GLB1: variants seen among roughly 807,000 people sequenced by gnomAD.
The protein encoded by GLB1 is beta-galactosidase.
GLB1 carries 56 observed loss-of-function variants against 74.0 expected under a neutral mutation model. That is an observed-to-expected ratio of 0.76 (90% CI 0.61 to 0.94). GLB1 has a LOEUF of 0.94. Among genes scored for constraint, GLB1 ranks in the 40% least tolerant of loss-of-function variants. GLB1 has a pLI of 0.00. For synonymous variants in GLB1, 323 were observed against 323.6 expected (o/e 1.00, Z 0.02); for missense variants, 787 against 845.5 (o/e 0.93, Z 0.86).
intron 15 of GLB1, among the ~76,000 whole-genome samples, chr3:33,008,660 G>A (rs147622965): frequency 2.6e-4 from 40 of 152,308 alleles, no homozygotes; most frequent in Non-Finnish European, 5.1e-4. Flanking sequence ...ACAATGAGGG[G>A]ATGGTAGCCA....
chr3:32,980,042 C>T, the GLB1 span, among the ~76,000 whole-genome samples: 17 of 152,048 alleles, frequency 1.1e-4, no homozygotes, highest in African/African-American at 2.9e-4. Context: ...TATCCATCAC[C>T]TCAACATTTA....
At chr3:32,981,413 A>G in the GLB1 span, among the ~76,000 whole-genome samples, 13 of 147,870 alleles carry the variant, frequency 8.8e-5, no homozygotes, top group Admixed American at 2.0e-4. Context: ...AAAAAAAAAA[A>G]AAAGAAAAAG....
intron 15 of GLB1, 71 bp downstream of exon 15, chr3:33,013,985 T>C: frequency 3.1e-6 from 5 of 1,612,548 alleles, no homozygotes; most frequent in Non-Finnish European, 4.2e-6. Context: ...CAGCTCTTTG[T>C]GATTCTTTCT....
At chr3:33,049,895 C>T (rs892963001) in intron 9 of GLB1, among the ~76,000 whole-genome samples, 21 of 152,196 alleles carry the variant, frequency 1.4e-4, no homozygotes, top group African/African-American at 4.1e-4. Flanking sequence ...TGCTTGTAAG[C>T]GATGTCTTCT....
At chr3:32,983,704 G>A in the GLB1 span, among the ~76,000 whole-genome samples, 1 of 151,898 alleles carries the variant, frequency 6.6e-6, no homozygotes, top group Non-Finnish European at 1.5e-5. Context: ...TTTGAGATAG[G>A]GTCTCACTCT....
At chr3:33,029,284 A>G (rs1347290268) in intron 10 of GLB1, among the ~76,000 whole-genome samples, 1 of 152,202 alleles carries the variant, frequency 6.6e-6, no homozygotes, top group Non-Finnish European at 1.5e-5. Flanking sequence ...TCTCATACTT[A>G]ACCGGACACA....
rs540650074 is a variant in GLB1 at position 33,042,778 on chromosome 3, G to A, written c.1068+3342C>T. 5.3e-5 allele frequency among the ~76,000 whole-genome samples: 8 copies of A among 152,260 alleles called. No individual in the cohort carries two copies. In the South Asian group the frequency reaches 1.4e-3, roughly 28 times the overall value. On this transcript the variant is annotated intron_variant, in intron 10 of 15. Coordinates refer to ENST00000307363, the MANE Select transcript of GLB1 (RefSeq NM_000404.4). ...GTTCTCACTGGCTGCATTCTGCCTG[G>A]AATGCTCTTGTCCAGGCGGAGATAT...
rs1430263883 is a variant in GLB1 at position 33,010,742 on chromosome 3, TAGAG to T, written c.1734+3310_1734+3313del. 2.6e-5 allele frequency among the ~76,000 whole-genome samples: 4 copies of T among 152,320 alleles called. No individual in the cohort carries two copies. The East Asian group carries it at 7.7e-4, about 29-fold the overall frequency. On this transcript the variant is annotated intron_variant, in intron 15 of 15. Coordinates refer to ENST00000307363, the MANE Select transcript of GLB1 (RefSeq NM_000404.4). ...CCAAGATCATGGAGATTTCTCTCCC[TAGAG>T]AGAAATTTTAGAAGTTTTATAGAGG... is the stretch of plus-strand genomic sequence containing the variant.
intron 10 of GLB1, among the ~76,000 whole-genome samples, chr3:33,039,180 C>T (rs1268061629): frequency 6.6e-6 from 1 of 151,588 alleles, no homozygotes; most frequent in Non-Finnish European, 1.5e-5. Context: ...ATCCCAGCTA[C>T]TCAGGAGGCT....
intron 15 of GLB1, among the ~76,000 whole-genome samples, chr3:32,998,847 G>A (rs1036120807): frequency 6.6e-5 from 10 of 152,114 alleles, no homozygotes; most frequent in African/African-American, 2.4e-4. Flanking sequence ...TCACCCCAGG[G>A]CTCCTCAGTC....
intron 10 of GLB1, chr3:33,034,035 G>C (rs575954952): frequency 3.1e-5 from 17 of 547,092 alleles, no homozygotes; most frequent in African/African-American, 5.7e-5. Context: ...AGTCATGAGA[G>C]TCCTATGTGG....
chr3:33,091,271 G>T (rs1251330495), intron 1 of GLB1: 1 of 985,360 alleles, frequency 1.0e-6, no homozygotes, highest in African/African-American at 1.7e-5. Flanking sequence ...TACCGTGGCT[G>T]CCTGGGAACA....
intron 15 of GLB1, among the ~76,000 whole-genome samples, chr3:33,013,484 G>T (rs1697109486): frequency 6.6e-6 from 1 of 152,148 alleles, no homozygotes; most frequent in East Asian, 1.9e-4. Flanking sequence ...AATGAGTGAT[G>T]GTAAGGTGAT....
At chr3:32,995,722 G>A (rs936631123), downstream of GLB1, among the ~76,000 whole-genome samples, 1 of 151,560 alleles carries the variant, frequency 6.6e-6, no homozygotes, top group African/African-American at 2.4e-5. Context: ...GTTCATAACT[G>A]TAATCCCAGA....
intron 1 of GLB1, among the ~76,000 whole-genome samples, chr3:33,081,255 G>C (rs1443501138): frequency 6.6e-6 from 1 of 152,160 alleles, no homozygotes; most frequent in African/African-American, 2.4e-5. Flanking sequence ...TAACTATGGG[G>C]GTCACTGGGA....
rs1384504316 is a variant in GLB1, at chr3:33,046,124, T to A, written c.1064A>T (p.Gln355Leu). Reference sequence around the variant, plus strand: ...CAGCTCATACAAAGCACCCACCTTCTGGATGATGTTTCGCAGAGCAAAATA... The same window carrying A: ...CAGCTCATACAAAGCACCCACCTTCAGGATGATGTTTCGCAGAGCAAAATA... ...EKYFALRNIIQKFEKVPEGPI... is the reference protein window; with the variant it reads ...EKYFALRNIILKFEKVPEGPI... The change falls in exon 10 of 16, where the codon CAG (glutamine) becomes CTG (leucine). Residue 355 changes from glutamine (Q) to leucine (L), a missense_variant. Physicochemically the swap from Gln to Leu is moderately radical, Grantham distance 113. Coordinates refer to ENST00000307363, the MANE Select transcript of GLB1 (RefSeq NM_000404.4). 1 of 1,612,702 alleles carries A rather than the reference T, an allele frequency of 6.2e-7. No homozygotes were observed. Among genetic ancestry groups the A allele is most frequent in the Non-Finnish European group, 8.5e-7 (1 of 1,179,852 alleles).
At chr3:33,025,009 G>A (rs549912558) in intron 10 of GLB1, among the ~76,000 whole-genome samples, 5 of 151,214 alleles carry the variant, frequency 3.3e-5, no homozygotes, top group East Asian at 1.9e-4. Context: ...GCAATGGCAC[G>A]ATCTCAGCTC....
intron 1 of GLB1, chr3:33,092,154 T>G (rs1473206239): frequency 1.0e-6 from 1 of 985,466 alleles, no homozygotes; most frequent in Non-Finnish European, 1.2e-6. Context: ...CGCCCACCGT[T>G]CTTCTCCCCT....
At chr3:33,070,132 T>C (rs967209453) in intron 2 of GLB1, among the ~76,000 whole-genome samples, 1 of 152,236 alleles carries the variant, frequency 6.6e-6, no homozygotes, top group Non-Finnish European at 1.5e-5. Flanking sequence ...AAGGACATGA[T>C]CTCATTCTTT....
Sources: allele counts gnomAD v4.1 joint callset (sites outside exome capture counted in the v4.1 genomes callset), GRCh38; gene constraint gnomAD v4.1.1; transcripts MANE v1.5; gene names NCBI Gene and HGNC (gene_info 2026-07-23, HGNC 2026-07-21).